The following CEP170 variants were observed in gnomAD, a reference collection of about 807,000 sequenced individuals.
CEP170 encodes centrosomal protein 170.
In CEP170, 21 loss-of-function variants were observed where a neutral mutation model predicts 151.9. The ratio of observed to expected loss-of-function variants is 0.14; its 90% confidence interval spans 0.10 to 0.20. CEP170 has a LOEUF of 0.20. Among genes scored for constraint, CEP170 ranks in the 10% least tolerant of loss-of-function variants. CEP170 has a pLI of 1.00. For missense variants in CEP170, 964 were observed against 1,892.9 expected (o/e 0.51, Z 9.11); for synonymous variants, 356 against 648.8 (o/e 0.55, Z 6.86).
chr1:243,195,245 G>A (rs1020709878), intron 7 of CEP170, among the ~76,000 whole-genome samples: 16 of 151,536 alleles, frequency 1.1e-4, no homozygotes, highest in Admixed American at 3.9e-4. Flanking sequence ...AAAAATCTAT[G>A]ATTCCCAGTT....
In CEP170 at chr1:243,186,409, A is replaced by T; in HGVS notation, c.1122T>A (p.Asp374Glu). The T allele has an allele frequency of 6.2e-7, 1 of 1,600,542 alleles. No individual in the cohort carries two copies. Among genetic ancestry groups the T allele is most frequent in the Non-Finnish European group, 8.5e-7 (1 of 1,175,634 alleles). Residue 374 changes from aspartate (D) to glutamate (E), a missense_variant, in exon 9 of 20, where the codon GAT becomes GAA. By Grantham distance (45) the Asp-to-Glu change is conservative (BLOSUM62 2). Coordinates refer to ENST00000366542, the MANE Select transcript of CEP170 (RefSeq NM_014812.3). The stretch of plus-strand genomic sequence containing the variant: ...TCTCTGAATCACTTTGCGTACCATC[A>T]TCATGTTTATTTCCTGGATACAAAA... The part of the protein sequence containing the change: ...YLKRLKGNKH[D>E]DGTQSDSENA...
chr1:243,222,095 AT>A (rs1316399602), intron 2 of CEP170, among the ~76,000 whole-genome samples: 3 of 152,204 alleles, frequency 2.0e-5, no homozygotes, highest in Non-Finnish European at 4.4e-5. Context: ...TATTAACTTA[AT>A]TTTTTTAAAT....
intron 14 of CEP170, among the ~76,000 whole-genome samples, chr1:243,152,050 C>T (rs150173101): frequency 3.0e-4 from 45 of 152,180 alleles, no homozygotes; most frequent in African/African-American, 1.1e-3. Context: ...TATTTTAAGA[C>T]CACTGTAGAG....
intron 15 of CEP170, chr1:243,140,453 A>G (rs896385543): frequency 5.7e-6 from 1 of 174,944 alleles, no homozygotes; most frequent in Admixed American, 6.1e-5. Context: ...TTTTACTCAC[A>G]TTGCCTTACC....
intron 16 of CEP170, 61 bp downstream of exon 16, chr1:243,139,876 C>T: frequency 6.4e-7 from 1 of 1,551,160 alleles, no homozygotes. Flanking sequence ...AATGGTTCCT[C>T]CTTTTCTTAC....
At chr1:243,217,306 T>C (rs1404940418) in intron 3 of CEP170, among the ~76,000 whole-genome samples, 1 of 152,192 alleles carries the variant, frequency 6.6e-6, no homozygotes, top group East Asian at 1.9e-4. Context: ...AAAAGATAAC[T>C]AGATACAGTA....
At chr1:243,167,492 G>A (rs1293099401) in intron 12 of CEP170, among the ~76,000 whole-genome samples, 1 of 151,036 alleles carries the variant, frequency 6.6e-6, no homozygotes, top group Non-Finnish European at 1.5e-5. Flanking sequence ...GAGAGAATTT[G>A]AGAATATTTA....
chr1:243,200,088 T>G (rs2060923946), intron 6 of CEP170, among the ~76,000 whole-genome samples: 2 of 151,950 alleles, frequency 1.3e-5, no homozygotes, highest in Non-Finnish European at 2.9e-5. Flanking sequence ...CAAGTACTAT[T>G]AAACAAATGA....
intron 10 of CEP170, among the ~76,000 whole-genome samples, chr1:243,180,431 A>G (rs1410805992): frequency 6.6e-6 from 1 of 152,210 alleles, no homozygotes; most frequent in Non-Finnish European, 1.5e-5. Flanking sequence ...AACCAAAAGT[A>G]AGCTCTCCTG....
Position 243,167,968 on chromosome 1 carries a change from TATG to T in CEP170, c.1843+1657_1843+1659del, listed in dbSNP as rs1461971000. 2.0e-5 allele frequency among the ~76,000 whole-genome samples: 3 copies of T among 152,136 alleles called. No homozygotes were observed. The South Asian group carries it at 6.2e-4, about 32-fold the overall frequency. ...GCTTATGTAAATAAGTTCATTTAAA[TATG>T]ATGACATAGAAATGAGATCATGAAA... On this transcript the variant is annotated intron_variant, in intron 12 of 19. Coordinates refer to ENST00000366542, the MANE Select transcript of CEP170 (RefSeq NM_014812.3).
chr1:243,187,918 C>G (rs1373272328), intron 8 of CEP170, among the ~76,000 whole-genome samples: 1 of 152,082 alleles, frequency 6.6e-6, no homozygotes. Context: ...TCATGTCTAT[C>G]AAAGTAATAG....
chr1:243,224,359 A>C (rs1202090438), intron 2 of CEP170, among the ~76,000 whole-genome samples: 2 of 152,060 alleles, frequency 1.3e-5, no homozygotes, highest in African/African-American at 2.4e-5. Context: ...CTTTTATAGC[A>C]AGGGTGTCCA....
In CEP170 at chr1:243,203,224, GACAA is replaced by G. The variant is rs375563959; in HGVS notation, c.275-2393_275-2390del. Reference sequence around the variant, plus strand: ...TTTTAACTTGCTAATCAAGAAAAATGACAAACAGAGGTAGAATAACGCATGATAT... The same window carrying G: ...TTTTAACTTGCTAATCAAGAAAAATGACAGAGGTAGAATAACGCATGATAT... On this transcript the variant is annotated intron_variant, in intron 4 of 19. Coordinates refer to ENST00000366542, the MANE Select transcript of CEP170 (RefSeq NM_014812.3). 4.3e-4 allele frequency among the ~76,000 whole-genome samples: 66 copies of G among 152,234 alleles called. 2 individuals carry two copies. In the South Asian group the frequency reaches 0.013, roughly 31 times the overall value.
chr1:243,133,977 GTTAA>G (rs900378092), intron 17 of CEP170, among the ~76,000 whole-genome samples: 10 of 152,046 alleles, frequency 6.6e-5, no homozygotes, highest in Non-Finnish European at 1.5e-4. Flanking sequence ...AAATTTTTTA[GTTAA>G]TAAGGTTCCA....
intron 15 of CEP170, 137 bp downstream of exon 15, chr1:243,142,179 A>T: frequency 6.5e-7 from 1 of 1,534,582 alleles, no homozygotes; most frequent in Non-Finnish European, 8.7e-7. Flanking sequence ...TAAACTGTTA[A>T]AGCAAAGTTG....
intron 14 of CEP170, among the ~76,000 whole-genome samples, chr1:243,150,695 C>T (rs2056982985): frequency 2.0e-5 from 3 of 152,112 alleles, no homozygotes; most frequent in Middle Eastern, 3.2e-3. Context: ...GAGATCTACA[C>T]AAAATTAAAA....
chr1:243,140,758 C>A (rs2055745988), intron 15 of CEP170, among the ~76,000 whole-genome samples: 1 of 152,004 alleles, frequency 6.6e-6, no homozygotes, highest in African/African-American at 2.4e-5. Flanking sequence ...CAACCTAGTA[C>A]AATATTCTGA....
At chr1:243,214,337 G>A (rs1224432459) in intron 3 of CEP170, among the ~76,000 whole-genome samples, 1 of 143,200 alleles carries the variant, frequency 7.0e-6, no homozygotes, top group Non-Finnish European at 1.5e-5. Context: ...CCAGGCTGGA[G>A]TGTAATGGCG....
At chr1:243,253,851 A>G (rs1259741432) in intron 1 of CEP170, among the ~76,000 whole-genome samples, 1 of 152,224 alleles carries the variant, frequency 6.6e-6, no homozygotes, top group African/African-American at 2.4e-5. Context: ...CAAATGTATC[A>G]TCTGCTTCGC....
Sources: allele counts gnomAD v4.1 joint callset (sites outside exome capture counted in the v4.1 genomes callset), GRCh38; gene constraint gnomAD v4.1.1; transcripts MANE v1.5; gene names NCBI Gene and HGNC (gene_info 2026-07-23, HGNC 2026-07-21).